LVRN: variants seen among roughly 807,000 people sequenced by gnomAD.
LVRN encodes laeverin.
LVRN carries 99 observed loss-of-function variants against 111.4 expected under a neutral mutation model. The observed-to-expected ratio is 0.89, with a 90% CI of 0.76 to 1.05. The LOEUF (loss-of-function observed/expected upper bound fraction) is 1.05, where lower values mean the gene tolerates loss of function less well. Among genes scored for constraint, LVRN ranks in the 50% least tolerant of loss-of-function variants. The pLI is 0.00. For missense variants in LVRN, 1,414 were observed against 1,206.8 expected (o/e 1.17, Z -2.54); for synonymous variants, 488 against 449.5 (o/e 1.09, Z -1.08).
rs1475983744 is a variant in LVRN, at chr5:116,010,756, G to T, written c.2109G>T (p.Glu703Asp). Residue 703 changes from glutamate to aspartate, a missense_variant, in exon 14 of 20, where the codon GAG (glutamate) becomes GAT (aspartate). Coordinates refer to ENST00000357872, the MANE Select transcript of LVRN (RefSeq NM_173800.5). Reference protein sequence around the residue: ...AFSLSKNNYIEIETALELTKY... With the variant: ...AFSLSKNNYIDIETALELTKY... ...AATCAAACAGAAACAATTATATTGA[G>T]ATTGAAACAGCACTTGAGTTAACCA... 6.3e-7 allele frequency: 1 copy of T among 1,598,954 alleles called. No homozygotes were observed. The highest frequency in any genetic ancestry group is 1.1e-5 in the South Asian group (1 of 88,536).
At chr5:116,001,326 T>C (rs1748235035) in intron 10 of LVRN, 87 bp downstream of exon 10, 14 of 1,441,170 alleles carry the variant, frequency 9.7e-6, no homozygotes, top group Non-Finnish European at 1.3e-5. Flanking sequence ...GAAGAAGCGT[T>C]ACCCCCGCTG....
intron 1 of LVRN, among the ~76,000 whole-genome samples, chr5:115,971,519 G>T (rs1176016321): frequency 6.6e-6 from 1 of 151,982 alleles, no homozygotes; most frequent in Non-Finnish European, 1.5e-5. Flanking sequence ...GGATTAAAGA[G>T]TTTTTTTGCC....
At position 115,962,547 on chromosome 5, in the gene LVRN, A is replaced by T. The variant is rs377593017; in HGVS notation, c.-71A>T. 2.8e-6 allele frequency: 4 copies of T among 1,409,790 alleles called. No individual in the cohort carries two copies. Among genetic ancestry groups the T allele is most frequent in the African/African-American group, 1.4e-5 (1 of 70,874 alleles). 87.3% of individuals were successfully genotyped at this position (1,409,790 alleles called of 1,614,324 possible). The stretch of plus-strand genomic sequence containing the variant: ...AGGGGCAGGGGTCGCAGCACTGAAC[A>T]CCCTGGCCGGGGTTTTGACAGCTGC... On this transcript the variant is annotated 5_prime_UTR_variant, in exon 1 of 20. Coordinates refer to ENST00000357872, the MANE Select transcript of LVRN (RefSeq NM_173800.5).
At chr5:115,988,029 G>T in intron 4 of LVRN, 90 bp downstream of exon 4, 1 of 1,481,796 alleles carries the variant, frequency 6.7e-7, no homozygotes, top group African/African-American at 1.4e-5. Flanking sequence ...AACCCATAAG[G>T]ATTCACCATC....
intron 1 of LVRN, among the ~76,000 whole-genome samples, chr5:115,981,362 T>C (rs1204369478): frequency 1.3e-5 from 2 of 152,184 alleles, no homozygotes; most frequent in Admixed American, 1.3e-4. Context: ...TTTCTAGCAG[T>C]TTCAAATTTA....
intron 1 of LVRN, among the ~76,000 whole-genome samples, chr5:115,978,339 A>G (rs772207647): frequency 3.3e-5 from 5 of 152,216 alleles, no homozygotes; most frequent in Non-Finnish European, 7.3e-5. Flanking sequence ...TTGCACAGCA[A>G]AGATTCAGAT....
intron 1 of LVRN, among the ~76,000 whole-genome samples, chr5:115,971,790 AG>A (rs1191446391): frequency 6.6e-6 from 1 of 152,078 alleles, no homozygotes; most frequent in East Asian, 1.9e-4. Context: ...AGGATATTCT[AG>A]GTCCTTTGCA....
intron 1 of LVRN, among the ~76,000 whole-genome samples, chr5:115,978,706 C>T (rs949008132): frequency 6.6e-6 from 1 of 152,162 alleles, no homozygotes; most frequent in African/African-American, 2.4e-5. Context: ...AGGATGGAAG[C>T]CTGCATTAAG....
intron 18 of LVRN, among the ~76,000 whole-genome samples, chr5:116,019,429 T>C (rs909800593): frequency 1.3e-5 from 2 of 152,212 alleles, no homozygotes; most frequent in South Asian, 2.1e-4. Context: ...TCACCCAAAG[T>C]CCCCAGTTTA....
Position 115,984,672 on chromosome 5 carries a change from A to G in LVRN, c.941A>G (p.Asp314Gly), listed in dbSNP as rs747081515. The G allele has an allele frequency of 4.3e-6, 7 of 1,613,518 alleles. No individual in the cohort carries two copies. The South Asian group carries it at 7.7e-5, about 18-fold the overall frequency. ...TACTTAGTCGCATTTGTTATATGTG[A>G]CTATGACCACGTCAACAGAACAGAA... Reference protein sequence around the residue: ...PTYLVAFVICDYDHVNRTERG... With the variant: ...PTYLVAFVICGYDHVNRTERG... Residue 314 changes from aspartate (D) to glycine (G), a missense_variant, in exon 3 of 20, where the codon GAC (aspartate) becomes GGC (glycine). Physicochemically the swap from Asp to Gly is moderately conservative, Grantham distance 94 (BLOSUM62 -1). Transcript: ENST00000357872.
At chr5:115,987,563 A>T (rs1249853959) in intron 3 of LVRN, among the ~76,000 whole-genome samples, 1 of 152,166 alleles carries the variant, frequency 6.6e-6, no homozygotes, top group Admixed American at 6.6e-5. Flanking sequence ...GGGTTGTTTT[A>T]TGATTCCAGA....
intron 1 of LVRN, among the ~76,000 whole-genome samples, chr5:115,967,687 G>T (rs1753231544): frequency 6.6e-6 from 1 of 152,048 alleles, no homozygotes; most frequent in Non-Finnish European, 1.5e-5. Flanking sequence ...GTAAATTTAG[G>T]GAGAATTGCT....
rs115691811 is a variant in LVRN, at chr5:115,983,299, G to C, written c.708G>C (p.Ala236=). The change falls in exon 2 of 20, where the codon GCG becomes GCC. Residue 236 remains alanine, a synonymous_variant. Coordinates refer to ENST00000357872, the MANE Select transcript of LVRN (RefSeq NM_173800.5). ...AAATGTATTTCAGGGCCCTGTTAGC[G>C]TCCCAGCTGGAACCAACATTTGCCA... ...TDQGERRALL[A]SQLEPTFARY... is the part of the protein sequence containing the mutation. 4 of 1,591,108 alleles carry C rather than the reference G, an allele frequency of 2.5e-6. No individual in the cohort carries two copies. In the East Asian group the frequency reaches 9.1e-5, roughly 36 times the overall value.
chr5:115,987,856 C>A lies in LVRN; in HGVS notation c.1022C>A (p.Ala341Glu). 6.2e-7 allele frequency: 1 copy of A among 1,613,272 alleles called. No homozygotes were observed. The highest frequency in any genetic ancestry group is 8.5e-7 in the Non-Finnish European group (1 of 1,179,566). Residue 341 changes from alanine (A) to glutamate (E), a missense_variant, in exon 4 of 20, where the codon GCA becomes GAA. Transcript: ENST00000357872. ...ARKDAIANGS[A>E]DFALNITGPI... ...AAAGATGCAATTGCAAATGGAAGTG[C>A]AGACTTTGCTTTGAACATCACAGGT... is the stretch of plus-strand genomic sequence containing the variant.
At chr5:116,019,906 G>T (rs927874014) in intron 18 of LVRN, 1 of 152,204 alleles carries the variant, frequency 6.6e-6, no homozygotes, top group Non-Finnish European at 1.5e-5. Flanking sequence ...CCTTGTCTCA[G>T]AGCATTCATG....
In LVRN at chr5:115,962,661, T is replaced by C. The variant is rs1485741552; in HGVS notation, c.44T>C (p.Val15Ala). 3 of 1,609,006 alleles carry C rather than the reference T, an allele frequency of 1.9e-6. No homozygotes were observed. The highest frequency in any genetic ancestry group is 2.5e-6 in the Non-Finnish European group (3 of 1,179,140). The change falls in exon 1 of 20, where the codon GTG becomes GCG. Residue 15 changes from valine (V) to alanine (A), a missense_variant. Val to Ala is a moderately conservative substitution (Grantham distance 64, BLOSUM62 0). Transcript: ENST00000357872. The stretch of plus-strand genomic sequence containing the variant: ...TCAGGCTTCTATGTGAGCCGCGCAG[T>C]GGCCCTGCTGCTGGCTGGGCTGGTA... ...SSSGFYVSRA[V>A]ALLLAGLVAA... is the part of the protein sequence containing the mutation.
intron 1 of LVRN, among the ~76,000 whole-genome samples, chr5:115,968,437 CTT>C (rs5870675): frequency 0.76 from 99,203 of 131,208 alleles, 37,274 homozygotes; most frequent in East Asian, 0.77. Context: ...GTTCCCCACC[CTT>C]TTTTTTTTTT....
At chr5:115,990,714 G>A (rs1024103459) in intron 4 of LVRN, among the ~76,000 whole-genome samples, 1 of 152,012 alleles carries the variant, frequency 6.6e-6, no homozygotes, top group African/African-American at 2.4e-5. Flanking sequence ...TGGGATTACA[G>A]GTGCGCACCA....
intron 5 of LVRN, 89 bp from the exon 6 acceptor site, chr5:115,993,652 A>C: frequency 2.4e-6 from 2 of 818,574 alleles, no homozygotes; most frequent in Non-Finnish European, 3.9e-6. Flanking sequence ...ATGTCTTTTG[A>C]CCTTACATTT....
Sources: allele counts gnomAD v4.1 joint callset (sites outside exome capture counted in the v4.1 genomes callset), GRCh38; gene constraint gnomAD v4.1.1; transcripts MANE v1.5; gene names NCBI Gene and HGNC (gene_info 2026-07-23, HGNC 2026-07-21).